CNTNAP4: variants seen among roughly 807,000 people sequenced by gnomAD.
CNTNAP4 encodes the protein contactin associated protein family member 4.
CNTNAP4 carries 98 observed loss-of-function variants against 148.4 expected under a neutral mutation model. That is an observed-to-expected ratio of 0.66 (90% CI 0.56 to 0.78). CNTNAP4 has a LOEUF of 0.78. Ranked by LOEUF, CNTNAP4 falls within the 30% of genes least tolerant of loss-of-function variation. The pLI is 0.00. For missense variants in CNTNAP4, 1,935 were observed against 1,565.6 expected (o/e 1.24, Z -3.98); for synonymous variants, 730 against 565.1 (o/e 1.29, Z -4.14).
chr16:76,358,783 T>G (rs778695394), intron 3 of CNTNAP4, among the ~76,000 whole-genome samples: 4 of 152,204 alleles, frequency 2.6e-5, no homozygotes, highest in African/African-American at 7.2e-5. Context: ...TTACCACACA[T>G]AACATAGCTA....
At chr16:76,294,226 CA>C (rs1163219276) in intron 1 of CNTNAP4, among the ~76,000 whole-genome samples, 2 of 152,080 alleles carry the variant, frequency 1.3e-5, no homozygotes, top group African/African-American at 4.8e-5. Context: ...ATGGAGAAGA[CA>C]AAAAGTAACT....
intron 2 of CNTNAP4, among the ~76,000 whole-genome samples, chr16:76,351,608 C>T (rs139676049): frequency 6.6e-6 from 1 of 152,316 alleles, no homozygotes; most frequent in East Asian, 1.9e-4. Flanking sequence ...CTAGAAGCCT[C>T]TGAATTTCCA....
At chr16:76,422,243 A>G (rs978206036) in intron 3 of CNTNAP4, among the ~76,000 whole-genome samples, 3 of 152,198 alleles carry the variant, frequency 2.0e-5, no homozygotes, top group Admixed American at 1.3e-4. Flanking sequence ...CATGTAAGAC[A>G]TATAAAGTTC....
intron 4 of CNTNAP4, among the ~76,000 whole-genome samples, chr16:76,443,495 G>A (rs1337665602): frequency 6.6e-6 from 1 of 152,144 alleles, no homozygotes; most frequent in Admixed American, 6.6e-5. Flanking sequence ...TGAGGCTGAG[G>A]TTGGAGGTTC....
intron 2 of CNTNAP4, among the ~76,000 whole-genome samples, chr16:76,327,279 C>A (rs904735491): frequency 6.6e-6 from 1 of 152,134 alleles, no homozygotes; most frequent in Admixed American, 6.5e-5. Flanking sequence ...TATTTTAGCT[C>A]CCACTTACAA....
chr16:76,450,615 T>C (rs2080425084), intron 7 of CNTNAP4, among the ~76,000 whole-genome samples: 1 of 152,228 alleles, frequency 6.6e-6, no homozygotes, highest in African/African-American at 2.4e-5. Flanking sequence ...GACAACAGCA[T>C]GTAAGAAACA....
chr16:76,534,630 A>G (rs894174274), intron 17 of CNTNAP4, among the ~76,000 whole-genome samples: 1 of 152,198 alleles, frequency 6.6e-6, no homozygotes, highest in Non-Finnish European at 1.5e-5. Flanking sequence ...ATGATGGTCT[A>G]GTGATCATCT....
At chr16:76,320,973 A>G (rs1962344944) in intron 2 of CNTNAP4, among the ~76,000 whole-genome samples, 1 of 152,238 alleles carries the variant, frequency 6.6e-6, no homozygotes, top group African/African-American at 2.4e-5. Flanking sequence ...GATGGTTTCC[A>G]TAGCTGACAA....
intron 3 of CNTNAP4, among the ~76,000 whole-genome samples, chr16:76,400,795 G>A (rs2078382614): frequency 6.6e-6 from 1 of 152,012 alleles, no homozygotes; most frequent in African/African-American, 2.4e-5. Context: ...TTGAATAAGG[G>A]GTCCTTTCCA....
intron 3 of CNTNAP4, among the ~76,000 whole-genome samples, chr16:76,357,968 T>A (rs574965727): frequency 1.3e-5 from 2 of 152,300 alleles, no homozygotes; most frequent in East Asian, 3.9e-4. Context: ...TGAATGGATG[T>A]GAGTATGTCA....
intron 3 of CNTNAP4, among the ~76,000 whole-genome samples, chr16:76,386,275 C>G (rs2016507381): frequency 1.3e-5 from 2 of 152,102 alleles, no homozygotes; most frequent in Admixed American, 6.5e-5. Flanking sequence ...ATATTCTTGC[C>G]ACGTCTTTTA....
chr16:76,362,212 G>A (rs1349886736), intron 3 of CNTNAP4, among the ~76,000 whole-genome samples: 9 of 152,104 alleles, frequency 5.9e-5, no homozygotes, highest in Non-Finnish European at 1.3e-4. Context: ...CAAAAGAGCT[G>A]TACACTGAAA....
intron 4 of CNTNAP4, among the ~76,000 whole-genome samples, chr16:76,440,679 G>C (rs1425850567): frequency 6.6e-6 from 1 of 152,118 alleles, no homozygotes; most frequent in Non-Finnish European, 1.5e-5. Flanking sequence ...TTCCAGGTTA[G>C]AATTCCAGAG....
intron 15 of CNTNAP4, 62 bp from the exon 16 acceptor site, chr16:76,521,078 T>C: frequency 6.9e-7 from 1 of 1,442,864 alleles, no homozygotes; most frequent in Non-Finnish European, 9.5e-7. Context: ...TTGTCATTCA[T>C]TTTATTTCAT....
chr16:76,336,986 C>T (rs1325978976), intron 2 of CNTNAP4, among the ~76,000 whole-genome samples: 1 of 152,192 alleles, frequency 6.6e-6, no homozygotes, highest in Non-Finnish European at 1.5e-5. Context: ...GCCACCCATG[C>T]AGATCAAACT....
chr16:76,483,090 A>G (rs943896911), intron 12 of CNTNAP4, among the ~76,000 whole-genome samples: 2 of 152,118 alleles, frequency 1.3e-5, no homozygotes, highest in Admixed American at 6.5e-5. Context: ...TTTATGTAAC[A>G]ATCCACCACT....
At chr16:76,498,142 G>A (rs1028512709) in intron 14 of CNTNAP4, among the ~76,000 whole-genome samples, 4 of 152,228 alleles carry the variant, frequency 2.6e-5, no homozygotes, top group African/African-American at 4.8e-5. Context: ...TGTAATCCCC[G>A]CACTTCGGGA....
At chr16:76,492,740 T>C (rs1367854110) in intron 13 of CNTNAP4, among the ~76,000 whole-genome samples, 1 of 152,176 alleles carries the variant, frequency 6.6e-6, no homozygotes, top group Non-Finnish European at 1.5e-5. Flanking sequence ...CTTGCCACCA[T>C]GTAAGATGTG....
chr16:76,522,636 T>TC (rs756362956), intron 17 of CNTNAP4, among the ~76,000 whole-genome samples: 2,417 of 143,668 alleles, frequency 0.017, 320 homozygotes, highest in Non-Finnish European at 0.022. Flanking sequence ...CTTCCTTCCT[T>TC]CTTTCTTTCT....
Sources: allele counts gnomAD v4.1 joint callset (sites outside exome capture counted in the v4.1 genomes callset), GRCh38; gene constraint gnomAD v4.1.1; transcripts MANE v1.5; gene names NCBI Gene and HGNC (gene_info 2026-07-23, HGNC 2026-07-21).